Variants in SPATA6L observed in about 807,000 individuals in gnomAD.
The protein encoded by SPATA6L is spermatogenesis associated 6-like protein.
Under a neutral mutation model 49.2 loss-of-function variants are expected in SPATA6L, and 68 were observed. The ratio of observed to expected loss-of-function variants is 1.38; its 90% CI spans 1.14 to 1.69. The LOEUF (loss-of-function observed/expected upper bound fraction) is 1.69. SPATA6L is among the 40% of genes most tolerant of loss of function. The pLI, the probability that SPATA6L is intolerant of heterozygous loss-of-function variation, is 0.00. For synonymous variants in SPATA6L, 198 were observed against 165.7 expected, an observed-to-expected ratio of 1.19 and a Z score of -1.50; for missense variants, 668 against 464.3, an observed-to-expected ratio of 1.44 and a Z score of -4.03.
In SPATA6L at chr9:4,629,109, C is replaced by T; in HGVS notation, c.411G>A (p.Leu137=). The change falls in exon 5 of 12, where the codon CTG becomes CTA. Residue 137 remains leucine, a synonymous_variant. Transcript: ENST00000682582. ...TRTAIRECVF[L]HRNRFLEERH... ...TACTTACAAGAAATCTGTTTCTATG[C>T]AGAAACACACATTCTCTGATGGCTG... The T allele has an allele frequency of 6.2e-7, 1 of 1,606,420 alleles. No individual in the cohort carries two copies. The highest frequency in any genetic ancestry group is 8.5e-7 in the Non-Finnish European group (1 of 1,174,590).
chr9:4,642,271 A>G lies in SPATA6L; in HGVS notation c.227-6872T>C, dbSNP rs533796186. Among the ~76,000 whole-genome samples the G allele has an allele frequency of 2.6e-5, 4 of 152,354 alleles. No individual in the cohort carries two copies. In the East Asian group the frequency reaches 7.7e-4, roughly 29 times the overall value. ...GCATACTAAAATATAATGTGCCAGC[A>G]GTGATATATGTTTGAACATAAAATT... On this transcript the variant is annotated intron_variant, in intron 3 of 11. Coordinates refer to ENST00000682582, the MANE Select transcript of SPATA6L (RefSeq NM_001353486.2).
At chr9:4,630,387 C>T (rs565771862) in intron 4 of SPATA6L, among the ~76,000 whole-genome samples, 2 of 152,272 alleles carry the variant, frequency 1.3e-5, no homozygotes, top group African/African-American at 2.4e-5. Context: ...TTATAAATGG[C>T]ACCACAGGGA....
chr9:4,657,039 C>T (rs576310893), intron 2 of SPATA6L, among the ~76,000 whole-genome samples: 3 of 152,256 alleles, frequency 2.0e-5, no homozygotes, highest in South Asian at 2.1e-4. Flanking sequence ...TCTGTCTAGC[C>T]ATTGCCAAAT....
intron 9 of SPATA6L, among the ~76,000 whole-genome samples, chr9:4,614,520 T>C (rs1257185030): frequency 6.6e-6 from 1 of 152,174 alleles, no homozygotes; most frequent in African/African-American, 2.4e-5. Context: ...GAATCTGCCC[T>C]AGTGATCGCT....
chr9:4,601,638 C>G (rs961542711), intron 11 of SPATA6L, among the ~76,000 whole-genome samples: 1 of 152,102 alleles, frequency 6.6e-6, no homozygotes, highest in Non-Finnish European at 1.5e-5. Flanking sequence ...ATCTCGAGAT[C>G]GCTGGGGAGC....
chr9:4,662,088 G>A lies in SPATA6L; in HGVS notation c.40-52C>T. 1.3e-6 allele frequency: 2 copies of A among 1,598,776 alleles called. No individual in the cohort carries two copies. The highest frequency in any genetic ancestry group is 1.7e-6 in the Non-Finnish European group (2 of 1,172,138). ...AGGGAGAGAAAACAGACTTTGCTTT[G>A]TTTTGTTACACGGGGCTCTATTTCT... On this transcript the variant is annotated intron_variant, in intron 1 of 11. Coordinates refer to ENST00000682582, the MANE Select transcript of SPATA6L (RefSeq NM_001353486.2). The surrounding 1 kb of genome is among the most constrained non-coding windows in gnomAD (Gnocchi z 4.9).
intron 13 of SPATA6L, among the ~76,000 whole-genome samples, chr9:4,591,478 T>A (rs555444115): frequency 6.6e-6 from 1 of 152,302 alleles, no homozygotes; most frequent in African/African-American, 2.4e-5. Context: ...TGCTACTGTA[T>A]AAATTCACGT....
chr9:4,591,827 T>C (rs1821919435), intron 13 of SPATA6L, among the ~76,000 whole-genome samples: 1 of 152,190 alleles, frequency 6.6e-6, no homozygotes, highest in African/African-American at 2.4e-5. Context: ...AAATGTTTGC[T>C]TCTATATCAA....
chr9:4,595,351 G>T (rs16921549), downstream of SPATA6L, among the ~76,000 whole-genome samples: 1 of 152,082 alleles, frequency 6.6e-6, no homozygotes, highest in East Asian at 1.9e-4. Context: ...CTACTCAGTT[G>T]AGGTTCTATT....
chr9:4,646,768 C>T (rs1304795598), intron 3 of SPATA6L, among the ~76,000 whole-genome samples: 4 of 152,128 alleles, frequency 2.6e-5, no homozygotes, highest in East Asian at 1.9e-4. Flanking sequence ...AAAGAACAAG[C>T]GTTCATGTCT....
intron 10 of SPATA6L, 86 bp downstream of exon 10, chr9:4,605,261 T>A: frequency 9.9e-7 from 1 of 1,005,468 alleles, no homozygotes; most frequent in Non-Finnish European, 1.6e-6. Flanking sequence ...GTTATTTGAT[T>A]AATGTCTGTC....
Position 4,662,265 on chromosome 9 carries a change from G to T in SPATA6L, c.40-229C>A, listed in dbSNP as rs997641099. On this transcript the variant is annotated intron_variant, in intron 1 of 11. Transcript: ENST00000682582. This position sits in a 1 kb window ranked among gnomAD's most constrained non-coding sequence, Gnocchi z 4.9. Reference sequence around the variant, plus strand: ...CAGGTGTCACAATCGCGCTCTCGCCGGCTCCTCTCCCCGCCCCTCCGGGAT... The same window carrying T: ...CAGGTGTCACAATCGCGCTCTCGCCTGCTCCTCTCCCCGCCCCTCCGGGAT... 1.1e-5 allele frequency: 16 copies of T among 1,433,216 alleles called. No homozygotes were observed. The Admixed American group carries it at 2.6e-4, about 23-fold the overall frequency. The allele number at this position is 1,433,216 out of a possible 1,614,324, so 88.8% of individuals were successfully genotyped here.
intron 2 of SPATA6L, among the ~76,000 whole-genome samples, chr9:4,657,601 G>T (rs180740477): frequency 6.6e-6 from 1 of 152,006 alleles, no homozygotes; most frequent in Non-Finnish European, 1.5e-5. Context: ...TTTGAGCAAG[G>T]AGCGATTCAT....
At chr9:4,635,221 A>G (rs1336312675) in intron 4 of SPATA6L, 54 bp downstream of exon 4, 5 of 1,451,826 alleles carry the variant, frequency 3.4e-6, no homozygotes, top group African/African-American at 3.0e-5. Flanking sequence ...TAAAACGTTC[A>G]GGTCCCAAGA....
intron 5 of SPATA6L, chr9:4,626,481 C>G (rs1587182537): frequency 1.5e-6 from 2 of 1,304,396 alleles, no homozygotes; most frequent in African/African-American, 1.5e-5. Context: ...AGGTCTGGGT[C>G]CCATTTCTGT....
chr9:4,642,151 A>G (rs568751422), intron 3 of SPATA6L, among the ~76,000 whole-genome samples: 1 of 152,190 alleles, frequency 6.6e-6, no homozygotes. Flanking sequence ...TTCGTGTTAA[A>G]TTTTTTATAG....
chr9:4,646,453 A>T, intron 3 of SPATA6L: 1 of 1,460,416 alleles, frequency 6.8e-7, no homozygotes, highest in Non-Finnish European at 9.1e-7. Context: ...AATCATATTA[A>T]GCTAATTTAG....
chr9:4,590,042 G>A (rs1821806022), intron 13 of SPATA6L, among the ~76,000 whole-genome samples: 1 of 152,162 alleles, frequency 6.6e-6, no homozygotes, highest in African/African-American at 2.4e-5. Context: ...TCCCGCCTCA[G>A]CCTCCCAAGT....
At chr9:4,622,830 T>A (rs1338923709) in intron 6 of SPATA6L, among the ~76,000 whole-genome samples, 1 of 152,170 alleles carries the variant, frequency 6.6e-6, no homozygotes, top group Non-Finnish European at 1.5e-5. Context: ...TATTTCACAA[T>A]CTCTTAAAAT....
Sources: gnomAD v4.1 joint callset for allele counts (sites outside exome capture counted in the v4.1 genomes callset) on GRCh38, gnomAD v4.1.1 for gene constraint, Gnocchi (gnomAD v3.1) non-coding constraint, MANE v1.5 for transcripts, NCBI Gene and HGNC (gene_info 2026-07-23, HGNC 2026-07-21) for gene names.